EMB: variants seen among roughly 807,000 people sequenced by gnomAD.
The protein encoded by EMB is embigin, also known as embigin homolog.
A neutral mutation model predicts 41.4 loss-of-function variants in EMB; 31 were observed. That is an observed-to-expected ratio of 0.75 (90% CI 0.56 to 1.01). EMB has a LOEUF of 1.01. EMB is among the 50% of genes least tolerant of loss of function. The pLI, the probability that EMB is intolerant of heterozygous loss-of-function variation, is 0.00. For missense variants in EMB, 379 were observed against 388.3 expected (o/e 0.98, Z 0.20); for synonymous variants, 137 against 140.4 (o/e 0.98, Z 0.17).
chr5:50,439,927 A>C (rs1745868835), intron 1 of EMB, among the ~76,000 whole-genome samples: 1 of 152,134 alleles, frequency 6.6e-6, no homozygotes, highest in African/African-American at 2.4e-5. Context: ...GGCTGGTAAC[A>C]TTTATGACAC....
At chr5:50,439,478 G>A (rs924204765) in intron 1 of EMB, among the ~76,000 whole-genome samples, 3 of 137,636 alleles carry the variant, frequency 2.2e-5, no homozygotes, top group Non-Finnish European at 3.1e-5. Context: ...CACCACAACC[G>A]CACTTTTAAT....
chr5:50,408,920 A>G (rs1745289305), intron 4 of EMB, among the ~76,000 whole-genome samples: 1 of 152,096 alleles, frequency 6.6e-6, no homozygotes, highest in South Asian at 2.1e-4. Context: ...TTACCAAGGA[A>G]GATTTAAAAG....
chr5:50,420,672 G>A lies in EMB; in HGVS notation c.196+7472C>T, dbSNP rs564869056. On this transcript the variant is annotated intron_variant, in intron 2 of 8. Coordinates refer to ENST00000303221, the MANE Select transcript of EMB (RefSeq NM_198449.3). ...AAACATACACTGTATGACATCGGGGGAGGAGGGCAGAAAGGGAAGTCTGCC... is the reference window on the plus strand; with the variant it reads ...AAACATACACTGTATGACATCGGGGAAGGAGGGCAGAAAGGGAAGTCTGCC... 2.0e-4 allele frequency among the ~76,000 whole-genome samples: 30 copies of A among 152,300 alleles called. No homozygotes were observed. In the South Asian group the frequency reaches 5.8e-3, roughly 29 times the overall value.
intron 2 of EMB, among the ~76,000 whole-genome samples, chr5:50,412,181 C>A (rs1745349369): frequency 6.6e-6 from 1 of 151,620 alleles, no homozygotes; most frequent in South Asian, 2.1e-4. Context: ...GGAGCTAACC[C>A]TTAGAGAAGC....
Position 50,411,383 on chromosome 5 carries a change from T to C in EMB, c.197A>G (p.Glu66Gly). The change falls in exon 3 of 9, where the codon GAA becomes GGA. Residue 66 changes from glutamate (E) to glycine (G), a missense_variant and splice_region_variant. Glu to Gly is a moderately conservative substitution (Grantham distance 98, BLOSUM62 -2). Transcript: ENST00000303221. ...SLESHNISLT[E>G]HSSMPVEKNI... The stretch of plus-strand genomic sequence containing the variant: ...TTTTTCTACTGGCATACTAGAATGT[T>C]CTATTAGCACAAAAGAGGACAAAAT... 6.3e-7 allele frequency: 1 copy of C among 1,587,188 alleles called. No homozygotes were observed. Among genetic ancestry groups the C allele is most frequent in the Non-Finnish European group, 8.6e-7 (1 of 1,164,916 alleles).
In EMB at chr5:50,424,292, A is replaced by G. The variant is rs575180806; in HGVS notation, c.196+3852T>C. On this transcript the variant is annotated intron_variant, in intron 2 of 8. Transcript: ENST00000303221. ...TTTCTAATTTACTCTAATGCTGAAA[A>G]TAATGTTTAATATTTTCAAAACAAC... 2.0e-5 allele frequency among the ~76,000 whole-genome samples: 3 copies of G among 152,358 alleles called. No homozygotes were observed. In the East Asian group the frequency reaches 5.8e-4, roughly 29 times the overall value.
intron 2 of EMB, among the ~76,000 whole-genome samples, chr5:50,413,392 T>C (rs1419085523): frequency 2.6e-5 from 4 of 152,086 alleles, no homozygotes; most frequent in Non-Finnish European, 5.9e-5. Context: ...ACCTAGGATA[T>C]AGTCTTGTTA....
At chr5:50,417,754 C>T (rs1264465657) in intron 2 of EMB, among the ~76,000 whole-genome samples, 1 of 152,114 alleles carries the variant, frequency 6.6e-6, no homozygotes, top group Non-Finnish European at 1.5e-5. Flanking sequence ...TATTTTCAAA[C>T]TTTTAGAATT....
intron 2 of EMB, among the ~76,000 whole-genome samples, chr5:50,412,897 A>G (rs1452709077): frequency 8.7e-6 from 1 of 115,500 alleles, no homozygotes; most frequent in African/African-American, 3.4e-5. Flanking sequence ...TTTTTTTTTT[A>G]CACCAGTATC....
intron 1 of EMB, among the ~76,000 whole-genome samples, chr5:50,431,637 G>A (rs563300942): frequency 6.6e-6 from 1 of 152,260 alleles, no homozygotes; most frequent in African/African-American, 2.4e-5. Flanking sequence ...ATGAGGATCA[G>A]AAAAGTTGTA....
chr5:50,404,990 C>A (rs533388881), intron 5 of EMB, among the ~76,000 whole-genome samples: 6 of 151,878 alleles, frequency 4.0e-5, no homozygotes, highest in Admixed American at 2.6e-4. Context: ...TTGCCTTTAA[C>A]GGGACTTTAA....
At chr5:50,422,473 G>T (rs867419298) in intron 2 of EMB, among the ~76,000 whole-genome samples, 6 of 152,248 alleles carry the variant, frequency 3.9e-5, no homozygotes, top group Middle Eastern at 3.4e-3. Flanking sequence ...AACAGAGTTT[G>T]GGAACTGAAA....
intron 1 of EMB, among the ~76,000 whole-genome samples, chr5:50,429,453 A>C (rs1002112844): frequency 1.3e-5 from 2 of 152,194 alleles, no homozygotes; most frequent in Non-Finnish European, 2.9e-5. Context: ...TTATATGTAA[A>C]AGTTAGTGAT....
intron 1 of EMB, among the ~76,000 whole-genome samples, chr5:50,429,962 CTCTCTT>C (rs1445544565): frequency 1.2e-5 from 1 of 83,802 alleles, no homozygotes. Context: ...CCCTCCCCAA[CTCTCTT>C]TCTCTCTCTC....
In EMB at chr5:50,397,770, T is replaced by C. The variant is rs1745095064; in HGVS notation, c.*1503A>G. On this transcript the variant is annotated 3_prime_UTR_variant, in exon 9 of 9. Coordinates refer to ENST00000303221, the MANE Select transcript of EMB (RefSeq NM_198449.3). ...ATGAAAACCAAGAATAAAATGAAGT[T>C]TGCCATTACCGGGATGTATTCAAGT... 1 of 152,022 alleles carries C rather than the reference T, an allele frequency of 6.6e-6. No individual in the cohort carries two copies. The highest frequency in any genetic ancestry group is 1.5e-5 in the Non-Finnish European group (1 of 67,988). 9.4% of individuals were successfully genotyped at this position (152,022 alleles called of 1,614,324 possible). A position where few individuals can be genotyped will look rare whatever the true frequency, so the allele number is the denominator to read the frequency against.
chr5:50,433,863 T>C (rs1745762800), intron 1 of EMB, among the ~76,000 whole-genome samples: 1 of 152,214 alleles, frequency 6.6e-6, no homozygotes, highest in Admixed American at 6.5e-5. Context: ...GAATCCTTCC[T>C]TGCCTCTGCC....
At chr5:50,408,818 C>T (rs1745287559) in intron 4 of EMB, among the ~76,000 whole-genome samples, 2 of 151,996 alleles carry the variant, frequency 1.3e-5, no homozygotes, top group South Asian at 4.2e-4. Flanking sequence ...ACTATAATAT[C>T]CATAATGTAC....
At chr5:50,436,463 A>C (rs1745804613) in intron 1 of EMB, among the ~76,000 whole-genome samples, 1 of 152,132 alleles carries the variant, frequency 6.6e-6, no homozygotes, top group South Asian at 2.1e-4. Context: ...CTACTGCCAC[A>C]CCTGTCCCCA....
At chr5:50,443,159 C>T (rs1303429844), upstream of EMB, 2 of 152,250 alleles carry the variant, frequency 1.3e-5, no homozygotes, top group Middle Eastern at 3.4e-3. Flanking sequence ...TGACTGCCTT[C>T]CCTATATAAC....
Sources: gnomAD v4.1 joint callset for allele counts (sites outside exome capture counted in the v4.1 genomes callset) on GRCh38, gnomAD v4.1.1 for gene constraint, MANE v1.5 for transcripts, NCBI Gene and HGNC (gene_info 2026-07-23, HGNC 2026-07-21) for gene names.